NAALADL2: variants seen among roughly 807,000 people sequenced by gnomAD.
The protein encoded by NAALADL2 is N-acetylated alpha-linked acidic dipeptidase like 2.
A neutral mutation model predicts 87.2 loss-of-function variants in NAALADL2; 76 were observed. The ratio of observed to expected loss-of-function variants is 0.87; its 90% CI spans 0.72 to 1.05. The LOEUF (loss-of-function observed/expected upper bound fraction) is 1.05, where lower values mean the gene tolerates loss of function less well. NAALADL2 is among the 50% of genes least tolerant of loss of function. The pLI is 0.00. For synonymous variants in NAALADL2, 354 were observed against 331.0 expected, an observed-to-expected ratio of 1.07 and a Z score of -0.75; for missense variants, 1,089 against 945.8, an observed-to-expected ratio of 1.15 and a Z score of -1.99.
chr3:175,601,152 A>G (rs976241163), intron 10 of NAALADL2, among the ~76,000 whole-genome samples: 1 of 152,160 alleles, frequency 6.6e-6, no homozygotes, highest in Non-Finnish European at 1.5e-5. Context: ...AATTATTTAA[A>G]TTTATTTTGA....
chr3:174,995,659 T>C (rs1014300404), intron 1 of NAALADL2, among the ~76,000 whole-genome samples: 1 of 152,088 alleles, frequency 6.6e-6, no homozygotes, highest in Non-Finnish European at 1.5e-5. Context: ...TTTTAAATAA[T>C]GAGATAAAAA....
At chr3:175,207,377 T>C (rs1166909897) in intron 2 of NAALADL2, among the ~76,000 whole-genome samples, 1 of 152,114 alleles carries the variant, frequency 6.6e-6, no homozygotes, top group Non-Finnish European at 1.5e-5. Flanking sequence ...ATGGAAGTTA[T>C]TACCAAATAT....
At chr3:174,708,156 C>T (rs1186333484) in intron 2 of NAALADL2, among the ~76,000 whole-genome samples, 1 of 152,114 alleles carries the variant, frequency 6.6e-6, no homozygotes, top group Non-Finnish European at 1.5e-5. Flanking sequence ...TGGTTTGACT[C>T]ATGTTATTTC....
intron 1 of NAALADL2, among the ~76,000 whole-genome samples, chr3:174,877,206 G>A (rs978598736): frequency 1.3e-5 from 2 of 152,088 alleles, no homozygotes; most frequent in African/African-American, 4.8e-5. Flanking sequence ...ATTCAAAGAA[G>A]CTACTTAGAC....
intron 1 of NAALADL2, among the ~76,000 whole-genome samples, chr3:174,540,306 T>C (rs1230588261): frequency 1.3e-5 from 2 of 152,204 alleles, no homozygotes; most frequent in Non-Finnish European, 2.9e-5. Flanking sequence ...GTGGTAACTG[T>C]ATGCAGCAGA....
chr3:174,493,688 C>T (rs1406948236), intron 1 of NAALADL2, among the ~76,000 whole-genome samples: 1 of 152,080 alleles, frequency 6.6e-6, no homozygotes, highest in Non-Finnish European at 1.5e-5. Flanking sequence ...TGTGATTGAA[C>T]CAATTACATA....
At chr3:175,781,920 T>C (rs1280114998) in intron 13 of NAALADL2, among the ~76,000 whole-genome samples, 1 of 149,384 alleles carries the variant, frequency 6.7e-6, no homozygotes, top group Non-Finnish European at 1.5e-5. Flanking sequence ...GTGATCTCAT[T>C]GTTCAATTCC....
intron 3 of NAALADL2, among the ~76,000 whole-genome samples, chr3:174,853,092 G>T (rs1725437476): frequency 6.6e-6 from 1 of 150,736 alleles, no homozygotes; most frequent in South Asian, 2.1e-4. Flanking sequence ...CTGGCAGGGT[G>T]CAGTGGCTCA....
chr3:174,914,114 G>A (rs933956777), intron 1 of NAALADL2, among the ~76,000 whole-genome samples: 1 of 150,956 alleles, frequency 6.6e-6, no homozygotes, highest in Non-Finnish European at 1.5e-5. Flanking sequence ...CCAGGCTGGA[G>A]TGTGGTGGTG....
intron 3 of NAALADL2, among the ~76,000 whole-genome samples, chr3:174,783,965 A>G (rs942991520): frequency 2.6e-5 from 4 of 152,200 alleles, no homozygotes; most frequent in Non-Finnish European, 5.9e-5. Context: ...CACTGGATAT[A>G]TTAACTAAAG....
intron 13 of NAALADL2, among the ~76,000 whole-genome samples, chr3:175,793,132 C>G (rs1022542408): frequency 6.6e-6 from 1 of 152,060 alleles, no homozygotes; most frequent in African/African-American, 2.4e-5. Context: ...TCAGATAACC[C>G]AAGTTAAATT....
chr3:175,619,579 T>C (rs974962436), intron 10 of NAALADL2, among the ~76,000 whole-genome samples: 2 of 151,820 alleles, frequency 1.3e-5, no homozygotes, highest in African/African-American at 4.8e-5. Context: ...AAACTCTCAA[T>C]CATTATATTC....
intron 1 of NAALADL2, among the ~76,000 whole-genome samples, chr3:175,056,282 C>G (rs1430565050): frequency 2.0e-5 from 3 of 152,166 alleles, no homozygotes; most frequent in Non-Finnish European, 1.5e-5. Flanking sequence ...CTTGGTTATA[C>G]TCTCCTTCCT....
chr3:175,438,414 T>G (rs1249810833), intron 5 of NAALADL2, among the ~76,000 whole-genome samples: 1 of 152,116 alleles, frequency 6.6e-6, no homozygotes. Flanking sequence ...AAAACATTTG[T>G]GCCAGTTATT....
chr3:175,142,139 G>A lies in NAALADL2; in HGVS notation c.545+44848G>A, dbSNP rs188401178. On this transcript the variant is annotated intron_variant, in intron 2 of 13. Transcript: ENST00000454872. ...CATGTTTGAAAAATAATATTTTGTA[G>A]CTGTGGCAATGTATTTAGTTTAGTA... Among the ~76,000 whole-genome samples, 414 of 152,104 alleles carry A rather than the reference G, an allele frequency of 2.7e-3. 3 individuals are homozygous for A. The highest frequency in any genetic ancestry group is 9.5e-3 in the African/African-American group (393 of 41,542).
At chr3:175,223,001 T>C (rs536966711) in intron 2 of NAALADL2, among the ~76,000 whole-genome samples, 12 of 152,136 alleles carry the variant, frequency 7.9e-5, no homozygotes, top group East Asian at 7.7e-4. Flanking sequence ...TGCATGTATT[T>C]AGGGTACGCA....
intron 1 of NAALADL2, among the ~76,000 whole-genome samples, chr3:174,907,478 T>A (rs915566458): frequency 6.6e-6 from 1 of 152,084 alleles, no homozygotes; most frequent in African/African-American, 2.4e-5. Flanking sequence ...ATGGGATAGT[T>A]CATTTGTACT....
At chr3:175,799,977 G>C (rs1355885102) in intron 13 of NAALADL2, among the ~76,000 whole-genome samples, 2 of 152,118 alleles carry the variant, frequency 1.3e-5, no homozygotes, top group Non-Finnish European at 1.5e-5. Flanking sequence ...CGAGTATACA[G>C]GGGAATCTAA....
intron 13 of NAALADL2, among the ~76,000 whole-genome samples, chr3:175,785,854 TTC>T (rs897828940): frequency 6.7e-6 from 1 of 150,184 alleles, no homozygotes; most frequent in African/African-American, 2.5e-5. Context: ...GGTTGTTCCT[TTC>T]TGTGTTTAGC....
Sources: gnomAD v4.1 joint callset for allele counts (sites outside exome capture counted in the v4.1 genomes callset) on GRCh38, gnomAD v4.1.1 for gene constraint, MANE v1.5 for transcripts, NCBI Gene and HGNC (gene_info 2026-07-23, HGNC 2026-07-21) for gene names.